The following HSPG2 variants were observed in gnomAD, a reference collection of about 807,000 sequenced individuals.
HSPG2 encodes basement membrane-specific heparan sulfate proteoglycan core protein.
HSPG2 carries 278 observed loss-of-function variants against 526.6 expected under a neutral mutation model. The observed-to-expected ratio is 0.53, with a 90% CI of 0.48 to 0.58. HSPG2 has a LOEUF of 0.58. HSPG2 is among the 20% of genes least tolerant of loss of function. The pLI is 0.00. For synonymous variants in HSPG2, 2,465 were observed against 2,555.4 expected, an observed-to-expected ratio of 0.96 and a Z score of 1.07; for missense variants, 5,354 against 6,099.5, an observed-to-expected ratio of 0.88 and a Z score of 4.07.
chr1:21,888,761 C>T (rs762792525), intron 6 of HSPG2: 62 of 1,337,062 alleles, frequency 4.6e-5, no homozygotes, highest in Non-Finnish European at 3.6e-5. Context: ...ACCTGGGAGC[C>T]GGGAGCTGAG....
Position 21,824,321 on chromosome 1 carries a change from C to G in HSPG2, c.12800G>C (p.Gly4267Ala), listed in dbSNP as rs766278882. The G allele has an allele frequency of 6.2e-7, 1 of 1,613,768 alleles. No individual in the cohort carries two copies. The highest frequency in any genetic ancestry group is 1.3e-5 in the African/African-American group (1 of 74,908). ...KDFISLGLQD[G>A]HLVFRYQLGS... ...CAGGACCTACCTGAAGACAAGGTGC[C>G]CGTCTTGAAGCCCGAGGCTGATGAA... is the stretch of plus-strand genomic sequence containing the variant. Residue 4267 changes from glycine (G) to alanine (A), a missense_variant, in exon 94 of 97, where the codon GGG (glycine) becomes GCG (alanine). Coordinates refer to ENST00000374695, the MANE Select transcript of HSPG2 (RefSeq NM_005529.7). The surrounding 1 kb of genome is among the most constrained non-coding windows in gnomAD (Gnocchi z 5.9).
chr1:21,918,989 C>T (rs756774791), intron 1 of HSPG2, among the ~76,000 whole-genome samples: 1 of 152,220 alleles, frequency 6.6e-6, no homozygotes, highest in South Asian at 2.1e-4. Flanking sequence ...TGCTGCTGCC[C>T]GCCCTACAGG....
At position 21,879,130 on chromosome 1, in the gene HSPG2, A is replaced by T. The variant is rs200155453; in HGVS notation, c.2344-9T>A. On this transcript the variant is annotated splice_polypyrimidine_tract_variant and intron_variant, in intron 17 of 96. Transcript: ENST00000374695. ...GTGTTGTGCTGGCAATTCTAGAAGA[A>T]GGAGGAGGGTATGGCTCAACTTCTA... 6.2e-7 allele frequency: 1 copy of T among 1,614,184 alleles called. No homozygotes were observed. The highest frequency in any genetic ancestry group is 8.5e-7 in the Non-Finnish European group (1 of 1,180,018).
At chr1:21,867,464 T>C (rs1486455521) in intron 33 of HSPG2, among the ~76,000 whole-genome samples, 4 of 152,172 alleles carry the variant, frequency 2.6e-5, no homozygotes, top group South Asian at 4.1e-4. Context: ...CTATACAGCC[T>C]TGGACAAGTC....
intron 1 of HSPG2, chr1:21,908,265 T>A (rs1643485539): frequency 4.8e-6 from 5 of 1,034,258 alleles, no homozygotes; most frequent in Middle Eastern, 2.0e-4. Context: ...CCCACAAGTG[T>A]TACCATGGCA....
At position 21,828,878 on chromosome 1, in the gene HSPG2, G is replaced by T. The variant is rs763103278; in HGVS notation, c.12194C>A (p.Pro4065Gln). 6.4e-7 allele frequency: 1 copy of T among 1,552,944 alleles called. No homozygotes were observed. Among genetic ancestry groups the T allele is most frequent in the Non-Finnish European group, 8.7e-7 (1 of 1,147,980 alleles). Residue 4065 changes from proline (P) to glutamine (Q), a missense_variant, in exon 88 of 97, where the codon CCG (proline) becomes CAG (glutamine). Pro to Gln is a moderately conservative substitution (Grantham distance 76). Coordinates refer to ENST00000374695, the MANE Select transcript of HSPG2 (RefSeq NM_005529.7). This position sits in a 1 kb window ranked among gnomAD's most constrained non-coding sequence, Gnocchi z 6.0. Reference sequence around the variant, plus strand: ...GAAGTGAGCGCTCATGTTGGTGGCCGGGGACAGTGGCACGGAAGGCTCCAC... The same window carrying T: ...GAAGTGAGCGCTCATGTTGGTGGCCTGGGACAGTGGCACGGAAGGCTCCAC... ...GGVEPSVPLS[P>Q]ATNMSAHFRG...
In HSPG2 at chr1:21,898,004, G is replaced by A. The variant is rs1036404644; in HGVS notation, c.64-1694C>T. 5.9e-5 allele frequency among the ~76,000 whole-genome samples: 9 copies of A among 152,180 alleles called. No individual in the cohort carries two copies. ...ACCTCCGTTGGAATGGAAGCACCTT[G>A]AAGGCAAGGGCTGTGATGAATTCAT... On this transcript the variant is annotated intron_variant, in intron 1 of 96. Transcript: ENST00000374695. This position sits in a 1 kb window ranked among gnomAD's most constrained non-coding sequence, Gnocchi z 4.0.
At chr1:21,845,631 C>T (rs551603495) in intron 64 of HSPG2, among the ~76,000 whole-genome samples, 25 of 152,300 alleles carry the variant, frequency 1.6e-4, no homozygotes, top group African/African-American at 5.1e-4. Context: ...CTGCCCACCT[C>T]GGCCTCCCAA....
At chr1:21,911,780 G>A (rs1411728294) in intron 1 of HSPG2, among the ~76,000 whole-genome samples, 1 of 152,010 alleles carries the variant, frequency 6.6e-6, no homozygotes, top group Non-Finnish European at 1.5e-5. Context: ...TGTGAGCTTG[G>A]CCCACCCCAG....
At position 21,903,398 on chromosome 1, in the gene HSPG2, C is replaced by T. The variant is rs1408298284; in HGVS notation, c.64-7088G>A. 9.9e-5 allele frequency among the ~76,000 whole-genome samples: 15 copies of T among 152,236 alleles called. No homozygotes were observed. The South Asian group carries it at 2.1e-3, about 21-fold the overall frequency. On this transcript the variant is annotated intron_variant, in intron 1 of 96. Coordinates refer to ENST00000374695, the MANE Select transcript of HSPG2 (RefSeq NM_005529.7). ...GGCGGATCACCTGAGGTCAGGAGTTCGAGACTAGCCTGGCCAACATGGTGA... is the reference window on the plus strand; with the variant it reads ...GGCGGATCACCTGAGGTCAGGAGTTTGAGACTAGCCTGGCCAACATGGTGA...
chr1:21,912,070 ATATC>A (rs1643712553), intron 1 of HSPG2, among the ~76,000 whole-genome samples: 1 of 152,126 alleles, frequency 6.6e-6, no homozygotes, highest in Non-Finnish European at 1.5e-5. Flanking sequence ...GATGACTACT[ATATC>A]TATCATATTT....
At chr1:21,899,176 G>C (rs190593686) in intron 1 of HSPG2, among the ~76,000 whole-genome samples, 47 of 152,258 alleles carry the variant, frequency 3.1e-4, no homozygotes, top group Admixed American at 1.3e-3. Context: ...GGTCAGATAA[G>C]GGCCCATAGC....
At chr1:21,850,596 C>T in intron 55 of HSPG2, 98 bp from the exon 56 acceptor site, 19 of 1,367,794 alleles carry the variant, frequency 1.4e-5, no homozygotes, top group Non-Finnish European at 1.9e-5. Flanking sequence ...GCCTGGCCAT[C>T]AGCTCTGGAT....
chr1:21,844,147 C>G lies in HSPG2; in HGVS notation c.8616+1G>C. On this transcript the variant is annotated splice_donor_variant, in intron 65 of 96. Coordinates refer to ENST00000374695, the MANE Select transcript of HSPG2 (RefSeq NM_005529.7). LOFTEE classifies it high-confidence loss of function. ...CATGCATCCTTCTCCAGCTCCTTTACCTGGTGCCGGGCAGGGAGGTTTCCT... is the reference window on the plus strand; with the variant it reads ...CATGCATCCTTCTCCAGCTCCTTTAGCTGGTGCCGGGCAGGGAGGTTTCCT... The G allele has an allele frequency of 6.2e-7, 1 of 1,612,948 alleles. No homozygotes were observed. Among genetic ancestry groups the G allele is most frequent in the South Asian group, 1.1e-5 (1 of 91,044 alleles).
intron 80 of HSPG2, chr1:21,832,830 C>A (rs1421162930): frequency 1.0e-5 from 6 of 596,226 alleles, no homozygotes; most frequent in Non-Finnish European, 1.8e-5. Flanking sequence ...TTGCTTCACA[C>A]ACACTGGAGT....
intron 1 of HSPG2, among the ~76,000 whole-genome samples, chr1:21,929,768 T>A (rs1210832890): frequency 1.3e-5 from 2 of 152,092 alleles, no homozygotes; most frequent in African/African-American, 4.8e-5. Flanking sequence ...TGTGGAGGCA[T>A]CCCGGACTCT....
rs751062539 is a variant in HSPG2 at position 21,878,970 on chromosome 1, C to A, written c.2471+24G>T. 7 of 1,610,260 alleles carry A rather than the reference C, an allele frequency of 4.3e-6. No individual in the cohort carries two copies. In the East Asian group the frequency reaches 8.9e-5, roughly 21 times the overall value. Reference sequence around the variant, plus strand: ...GTTGCACTGTCCCCAGCCAAACCCCCCCTGACCCGGAGCTGGGGCTGACCT... The same window carrying A: ...GTTGCACTGTCCCCAGCCAAACCCCACCTGACCCGGAGCTGGGGCTGACCT... On this transcript the variant is annotated intron_variant, in intron 18 of 96. Coordinates refer to ENST00000374695, the MANE Select transcript of HSPG2 (RefSeq NM_005529.7).
In HSPG2 at chr1:21,855,519, T is replaced by G; in HGVS notation, c.5854+4A>C. On this transcript the variant is annotated splice_donor_region_variant and intron_variant, in intron 46 of 96. Transcript: ENST00000374695. ...CGGCCCCCACCCTGAGCCCGGCCTC[T>G]CACCATGCACGTGGAGCACAGCCCT... The G allele has an allele frequency of 6.2e-7, 1 of 1,610,078 alleles. No individual in the cohort carries two copies. The highest frequency in any genetic ancestry group is 8.5e-7 in the Non-Finnish European group (1 of 1,178,970).
Position 21,848,188 on chromosome 1 carries a change from C to A in HSPG2, c.7738-95G>T. The stretch of plus-strand genomic sequence containing the variant: ...GCCGCTGCCCCTGGACTCTGGGGGC[C>A]TCCCTGCCTTGCCTCCTCAGTGGCC... On this transcript the variant is annotated intron_variant, in intron 59 of 96. Transcript: ENST00000374695. This position sits in a 1 kb window ranked among gnomAD's most constrained non-coding sequence, Gnocchi z 4.9. The A allele has an allele frequency of 2.1e-6, 3 of 1,399,138 alleles. No individual in the cohort carries two copies. The highest frequency in any genetic ancestry group is 2.9e-6 in the Non-Finnish European group (3 of 1,021,592). The allele number at this position is 1,399,138 out of a possible 1,614,324, so 86.7% of individuals were successfully genotyped here.
Sources: allele counts gnomAD v4.1 joint callset (sites outside exome capture counted in the v4.1 genomes callset), GRCh38; gene constraint gnomAD v4.1.1; non-coding constraint Gnocchi (gnomAD v3.1); transcripts MANE v1.5; gene names NCBI Gene and HGNC (gene_info 2026-07-23, HGNC 2026-07-21).